ANKRD30A: variants seen among roughly 807,000 people sequenced by gnomAD.
ANKRD30A encodes ankyrin repeat domain 30A.
ANKRD30A carries 170 observed loss-of-function variants against 166.3 expected under a neutral mutation model. The observed-to-expected ratio is 1.02, with a 90% confidence interval of 0.90 to 1.16. The LOEUF (loss-of-function observed/expected upper bound fraction) is 1.16, where lower values mean the gene tolerates loss of function less well. Among genes scored for constraint, ANKRD30A ranks in the 50% most tolerant of loss-of-function variants. The pLI is 0.00. For missense variants in ANKRD30A, 1,630 were observed against 1,518.0 expected (o/e 1.07, Z -1.23); for synonymous variants, 564 against 508.9 (o/e 1.11, Z -1.46).
Position 37,217,875 on chromosome 10 carries a change from T to A in ANKRD30A, c.3264T>A (p.Asn1088Lys). The change falls in exon 33 of 36, where the codon AAT becomes AAA. Residue 1088 changes from asparagine to lysine, a missense_variant. By Grantham distance (94) the Asn-to-Lys change is moderately conservative. Transcript: ENST00000361713. ...TGAAGAGTGTAGAAAGTAATTTGAATCAGGTAAATCAATCTCTGATAAAAA... is the reference window on the plus strand; with the variant it reads ...TGAAGAGTGTAGAAAGTAATTTGAAACAGGTAAATCAATCTCTGATAAAAA... The part of the protein sequence containing the change: ...IELKSVESNL[N>K]QVSHTHENEN... 1 of 1,526,384 alleles carries A rather than the reference T, an allele frequency of 6.6e-7. No homozygotes were observed. The highest frequency in any genetic ancestry group is 8.8e-7 in the Non-Finnish European group (1 of 1,142,692). The allele number at this position is 1,526,384 out of a possible 1,614,324, so 94.6% of individuals were successfully genotyped here.
chr10:37,241,874 A>G, the ANKRD30A span: 6 of 152,316 alleles, frequency 3.9e-5, no homozygotes, highest in African/African-American at 1.4e-4. Flanking sequence ...AAGCTTTACT[A>G]CAAAGAACTT....
chr10:37,134,009 T>C lies in ANKRD30A; in HGVS notation c.711T>C (p.Cys237=), dbSNP rs749544336. 1 of 1,614,092 alleles carries C rather than the reference T, an allele frequency of 6.2e-7. No individual in the cohort carries two copies. The highest frequency in any genetic ancestry group is 8.5e-7 in the Non-Finnish European group (1 of 1,179,964). ...QNVDVFAADI[C]GVTAEHYAVT... ...TTGACGTCTTTGCTGCAGATATATG[T>C]GGAGTAACTGCAGAACATTATGCTG... Residue 237 remains cysteine, a synonymous_variant, in exon 5 of 36, where the codon TGT becomes TGC. Transcript: ENST00000361713.
At position 37,216,255 on chromosome 10, in the gene ANKRD30A, T is replaced by C. The variant is rs760281335; in HGVS notation, c.2944T>C (p.Cys982Arg). 3 of 1,608,452 alleles carry C rather than the reference T, an allele frequency of 1.9e-6. No individual in the cohort carries two copies. Among genetic ancestry groups the C allele is most frequent in the East Asian group, 2.2e-5 (1 of 44,640 alleles). Reference sequence around the variant, plus strand: ...AGCAAGGGAACTTCAAAAAGATCACTGTGAACAACGTACAGGAAAAATGGA... The same window carrying C: ...AGCAAGGGAACTTCAAAAAGATCACCGTGAACAACGTACAGGAAAAATGGA... ...ERARELQKDH[C>R]EQRTGKMEQM... The change falls in exon 32 of 36, where the codon TGT (cysteine) becomes CGT (arginine). Residue 982 changes from cysteine to arginine, a missense_variant. Physicochemically the swap from Cys to Arg is radical, Grantham distance 180. This residue lies in a region of ANKRD30A where 712 missense variants were observed against 629.3 expected (regional missense o/e 1.13). Coordinates refer to ENST00000361713, the MANE Select transcript of ANKRD30A (RefSeq NM_052997.3).
At chr10:37,132,505 A>G (rs938356374) in intron 4 of ANKRD30A, among the ~76,000 whole-genome samples, 159 bp downstream of exon 4, 1 of 152,224 alleles carries the variant, frequency 6.6e-6, no homozygotes, top group African/African-American at 2.4e-5. Flanking sequence ...GGACTGGTCA[A>G]CATAAAGAAC....
At chr10:37,209,741 A>G (rs1214728659) in intron 31 of ANKRD30A, among the ~76,000 whole-genome samples, 1 of 152,088 alleles carries the variant, frequency 6.6e-6, no homozygotes, top group Non-Finnish European at 1.5e-5. Flanking sequence ...GGACTTTTCA[A>G]TGTAGGAAGA....
At chr10:37,197,565 T>C (rs1360980217) in intron 29 of ANKRD30A, 85 bp downstream of exon 29, 1 of 1,589,804 alleles carries the variant, frequency 6.3e-7, no homozygotes, top group Non-Finnish European at 8.6e-7. Flanking sequence ...TGCTTTATTT[T>C]TTTCAACTTT....
the ANKRD30A span, chr10:37,264,635 C>G: frequency 3.3e-6 from 1 of 298,914 alleles, no homozygotes; most frequent in Non-Finnish European, 6.5e-6. Flanking sequence ...TATGAGAGGA[C>G]AGGTAAGTAT....
the ANKRD30A span, among the ~76,000 whole-genome samples, chr10:37,249,193 A>ATATAAC: frequency 6.6e-6 from 1 of 152,192 alleles, no homozygotes; most frequent in Non-Finnish European, 1.5e-5. Flanking sequence ...TCTTCTGGGA[A>ATATAAC]GGCTTCCTAG....
At chr10:37,248,028 G>GAAA in the ANKRD30A span, 2 of 309,958 alleles carry the variant, frequency 6.5e-6, no homozygotes, top group Non-Finnish European at 1.3e-5. Flanking sequence ...AAGTAAAACT[G>GAAA]AAAAAAAAAA....
chr10:37,253,929 C>T, the ANKRD30A span, among the ~76,000 whole-genome samples: 1 of 152,088 alleles, frequency 6.6e-6, no homozygotes, highest in Non-Finnish European at 1.5e-5. Context: ...GGATTACAGG[C>T]GTGAGCCACT....
intron 25 of ANKRD30A, among the ~76,000 whole-genome samples, chr10:37,192,459 G>T (rs568385060): frequency 6.6e-6 from 1 of 151,992 alleles, no homozygotes; most frequent in East Asian, 1.9e-4. Flanking sequence ...TTTCTCAGAG[G>T]TACAAAAATG....
At chr10:37,256,493 C>G in the ANKRD30A span, among the ~76,000 whole-genome samples, 44 of 152,318 alleles carry the variant, frequency 2.9e-4, no homozygotes, top group African/African-American at 9.9e-4. Context: ...CATGTTCTAT[C>G]TCTGTCACTA....
chr10:37,234,457 GT>G (rs551575163), downstream of ANKRD30A, among the ~76,000 whole-genome samples: 4 of 151,252 alleles, frequency 2.6e-5, no homozygotes, highest in African/African-American at 7.3e-5. Context: ...CTGGTTTAAA[GT>G]TTTTTTTTAG....
Position 37,217,843 on chromosome 10 carries a change from A to G in ANKRD30A, c.3232A>G (p.Ile1078Val), listed in dbSNP as rs1842682487. Residue 1078 changes from isoleucine to valine, a missense_variant, in exon 33 of 36, where the codon ATA (isoleucine) becomes GTA (valine). This residue lies in a region of ANKRD30A where 712 missense variants were observed against 629.3 expected (regional missense o/e 1.13). Transcript: ENST00000361713. ...TGAACAGGCTCTCAGAATACAAGAT[A>G]TAGAATTGAAGAGTGTAGAAAGTAA... ...QLEQALRIQD[I>V]ELKSVESNLN... 6.3e-7 allele frequency: 1 copy of G among 1,592,278 alleles called. No homozygotes were observed.
At position 37,219,077 on chromosome 10, in the gene ANKRD30A, A is replaced by T. The variant is rs1476438661; in HGVS notation, c.3365A>T (p.Lys1122Ile). ...CTAAAACTGGAAATAGCCACACTGA[A>T]ACACCAATACCAGGAAAAGGAAAAT... ...AMLKLEIATL[K>I]HQYQEKENKY... The change falls in exon 34 of 36, where the codon AAA becomes ATA. Residue 1122 changes from lysine (K) to isoleucine (I), a missense_variant. Coordinates refer to ENST00000361713, the MANE Select transcript of ANKRD30A (RefSeq NM_052997.3). 6.2e-7 allele frequency: 1 copy of T among 1,608,758 alleles called. No homozygotes were observed. The highest frequency in any genetic ancestry group is 8.5e-7 in the Non-Finnish European group (1 of 1,176,524).
intron 8 of ANKRD30A, 88 bp downstream of exon 8, chr10:37,145,144 T>C (rs537729584): frequency 9.9e-7 from 1 of 1,013,256 alleles, no homozygotes; most frequent in Admixed American, 2.5e-5. Context: ...CTTGGTTTTC[T>C]TACCACTGCC....
At chr10:37,142,425 A>G (rs1005573710) in intron 7 of ANKRD30A, 135 bp downstream of exon 7, 11 of 778,546 alleles carry the variant, frequency 1.4e-5, no homozygotes, top group East Asian at 1.4e-4. Context: ...TTTTAATAGT[A>G]TAGGAATAAG....
Position 37,197,267 on chromosome 10 carries a change from C to G in ANKRD30A, c.2615-14C>G. On this transcript the variant is annotated splice_polypyrimidine_tract_variant and intron_variant, in intron 27 of 35. Transcript: ENST00000361713. ...TTTACTTATGATTGATGATAAATCT[C>G]TTTTGCTTTTTAGAGCCTCCCGAGA... The G allele has an allele frequency of 6.3e-7, 1 of 1,581,098 alleles. No individual in the cohort carries two copies. Among genetic ancestry groups the G allele is most frequent in the Non-Finnish European group, 8.7e-7 (1 of 1,152,256 alleles).
the ANKRD30A span, chr10:37,264,716 CTG>C: frequency 2.9e-5 from 5 of 171,136 alleles, no homozygotes; most frequent in African/African-American, 1.2e-4. Flanking sequence ...AGCAGGCTCT[CTG>C]TGTTTTACAA....
Sources: allele counts gnomAD v4.1 joint callset (sites outside exome capture counted in the v4.1 genomes callset), GRCh38; gene constraint gnomAD v4.1.1; regional missense constraint gnomAD v4.1.1; transcripts MANE v1.5; gene names NCBI Gene and HGNC (gene_info 2026-07-23, HGNC 2026-07-21).